SDK1: variants seen among roughly 807,000 people sequenced by gnomAD.
The protein encoded by SDK1 is sidekick cell adhesion molecule 1.
Under a neutral mutation model 245.5 loss-of-function variants are expected in SDK1, and 157 were observed. The observed-to-expected ratio is 0.64, with a 90% CI of 0.56 to 0.73. The LOEUF (loss-of-function observed/expected upper bound fraction) is 0.73. SDK1 is among the 30% of genes least tolerant of loss of function. The pLI is 0.00. For synonymous variants in SDK1, 1,647 were observed against 1,278.5 expected, an observed-to-expected ratio of 1.29 and a Z score of -6.15; for missense variants, 3,583 against 3,002.3, an observed-to-expected ratio of 1.19 and a Z score of -4.52.
intron 18 of SDK1, among the ~76,000 whole-genome samples, chr7:4,051,191 G>A (rs1420446067): frequency 7.4e-6 from 1 of 135,602 alleles, no homozygotes; most frequent in East Asian, 2.1e-4. Context: ...CATTATATAT[G>A]TGTATATATT....
At chr7:3,347,483 C>A (rs193121813) in intron 1 of SDK1, among the ~76,000 whole-genome samples, 1 of 152,274 alleles carries the variant, frequency 6.6e-6, no homozygotes, top group Middle Eastern at 3.4e-3. Context: ...TTACTACAGT[C>A]AAGGCTCCAG....
At chr7:3,373,028 C>G (rs1314923515) in intron 1 of SDK1, among the ~76,000 whole-genome samples, 1 of 152,168 alleles carries the variant, frequency 6.6e-6, no homozygotes, top group African/African-American at 2.4e-5. Flanking sequence ...AGAGTTTATT[C>G]TATGCTCAAT....
At chr7:3,499,426 G>A (rs892858857) in intron 1 of SDK1, among the ~76,000 whole-genome samples, 2 of 152,124 alleles carry the variant, frequency 1.3e-5, no homozygotes, top group African/African-American at 4.8e-5. Context: ...GTAGTATGGT[G>A]TAAAGAATAG....
intron 1 of SDK1, among the ~76,000 whole-genome samples, chr7:3,347,403 G>C (rs1780537556): frequency 6.6e-6 from 1 of 151,974 alleles, no homozygotes; most frequent in Non-Finnish European, 1.5e-5. Flanking sequence ...TAAAGCTGTT[G>C]GTCTTACTAT....
intron 5 of SDK1, among the ~76,000 whole-genome samples, chr7:3,862,866 T>A (rs1780728387): frequency 6.6e-6 from 1 of 152,150 alleles, no homozygotes. Context: ...GGCATTAGAT[T>A]CTCATAAGGA....
intron 44 of SDK1, among the ~76,000 whole-genome samples, chr7:4,258,179 C>T (rs903119442): frequency 4.6e-5 from 7 of 152,172 alleles, no homozygotes; most frequent in South Asian, 2.1e-4. Context: ...GGTATAAACA[C>T]GCAGATGGGT....
chr7:3,348,462 G>C (rs565401155), intron 1 of SDK1, among the ~76,000 whole-genome samples: 2 of 149,326 alleles, frequency 1.3e-5, no homozygotes, highest in Admixed American at 6.8e-5. Flanking sequence ...GCAGAAAACC[G>C]AAAACAACAT....
chr7:3,654,434 G>A (rs1217798672), intron 4 of SDK1, among the ~76,000 whole-genome samples: 4 of 152,176 alleles, frequency 2.6e-5, no homozygotes, highest in African/African-American at 4.8e-5. Context: ...GGTGGACTCC[G>A]ATGCTTGTGA....
chr7:3,399,568 C>G (rs1023157472), intron 1 of SDK1, among the ~76,000 whole-genome samples: 6 of 152,072 alleles, frequency 3.9e-5, no homozygotes, highest in Admixed American at 2.0e-4. Context: ...TTTGTTATCC[C>G]CCCAGAGTAT....
At chr7:3,569,770 T>G (rs1048654758) in intron 1 of SDK1, among the ~76,000 whole-genome samples, 1 of 152,236 alleles carries the variant, frequency 6.6e-6, no homozygotes, top group Admixed American at 6.5e-5. Context: ...ATTTATTGAG[T>G]GCTACTAATG....
At chr7:3,769,571 A>G (rs1455049637) in intron 4 of SDK1, among the ~76,000 whole-genome samples, 5 of 152,294 alleles carry the variant, frequency 3.3e-5, no homozygotes, top group Admixed American at 6.5e-5. Context: ...TTAAATTTCA[A>G]TATGACTTTC....
intron 4 of SDK1, among the ~76,000 whole-genome samples, chr7:3,682,553 C>T (rs75516999): frequency 1.8e-3 from 11 of 6,038 alleles, no homozygotes; most frequent in Non-Finnish European, 5.3e-3. Flanking sequence ...TGCTGAGCCC[C>T]CATGCATGGG....
chr7:4,102,440 G>A (rs1782617983), intron 22 of SDK1, among the ~76,000 whole-genome samples: 1 of 152,154 alleles, frequency 6.6e-6, no homozygotes, highest in Non-Finnish European at 1.5e-5. Flanking sequence ...CCATGGAAGG[G>A]GTTCTGGAGC....
At position 3,502,438 on chromosome 7, in the gene SDK1, T is replaced by C. The variant is rs1782246967; in HGVS notation, c.299-116642T>C. 2.0e-5 allele frequency among the ~76,000 whole-genome samples: 3 copies of C among 152,040 alleles called. No individual in the cohort carries two copies. In the South Asian group the frequency reaches 6.2e-4, roughly 32 times the overall value. ...CTAATTTTTGTATTTTTTGTAGAGA[T>C]GGGGTTTCCCTATGTTGGCCAGGCT... On this transcript the variant is annotated intron_variant, in intron 1 of 44. Transcript: ENST00000404826.
intron 4 of SDK1, among the ~76,000 whole-genome samples, chr7:3,749,035 G>A (rs767781559): frequency 2.0e-5 from 3 of 152,148 alleles, no homozygotes; most frequent in Non-Finnish European, 4.4e-5. Context: ...CCAGTAATGC[G>A]AATATTTTCA....
At chr7:3,914,406 T>C (rs113790341) in intron 5 of SDK1, among the ~76,000 whole-genome samples, 5 of 152,212 alleles carry the variant, frequency 3.3e-5, no homozygotes, top group African/African-American at 9.6e-5. Context: ...TGTGCACATA[T>C]AGAGAGAAAC....
chr7:3,544,368 C>A (rs1779150466), intron 1 of SDK1, among the ~76,000 whole-genome samples: 1 of 152,148 alleles, frequency 6.6e-6, no homozygotes, highest in South Asian at 2.1e-4. Flanking sequence ...AGCCACAGAC[C>A]TCTAGCGACC....
intron 4 of SDK1, among the ~76,000 whole-genome samples, chr7:3,655,206 G>A (rs1202274765): frequency 6.6e-6 from 1 of 151,448 alleles, no homozygotes; most frequent in East Asian, 1.9e-4. Context: ...GGCTGAGGCA[G>A]GCAGATCATC....
intron 1 of SDK1, among the ~76,000 whole-genome samples, chr7:3,335,373 CA>C (rs1407154387): frequency 1.3e-5 from 2 of 152,012 alleles, no homozygotes; most frequent in Non-Finnish European, 2.9e-5. Flanking sequence ...CTATTTAAAA[CA>C]ACTGCTTTAT....
Sources: allele counts gnomAD v4.1 joint callset (sites outside exome capture counted in the v4.1 genomes callset), GRCh38; gene constraint gnomAD v4.1.1; transcripts MANE v1.5; gene names NCBI Gene and HGNC (gene_info 2026-07-23, HGNC 2026-07-21).